The following SEL1L3 variants were observed in gnomAD, a reference collection of about 807,000 sequenced individuals.
SEL1L3 encodes the protein SEL1L family member 3, also known as protein sel-1 homolog 3.
Under a neutral mutation model 142.8 loss-of-function variants are expected in SEL1L3, and 76 were observed. The observed-to-expected ratio is 0.53, with a 90% CI of 0.44 to 0.64. The LOEUF (loss-of-function observed/expected upper bound fraction) is 0.64, where lower values mean the gene tolerates loss of function less well. Among genes scored for constraint, SEL1L3 ranks in the 30% least tolerant of loss-of-function variants. The pLI, the probability that SEL1L3 is intolerant of heterozygous loss-of-function variation, is 0.00. For missense variants in SEL1L3, 1,262 were observed against 1,381.7 expected (o/e 0.91, Z 1.37); for synonymous variants, 504 against 519.6 (o/e 0.97, Z 0.41).
At chr4:25,852,887 C>T (rs933153423) in intron 1 of SEL1L3, among the ~76,000 whole-genome samples, 1 of 152,140 alleles carries the variant, frequency 6.6e-6, no homozygotes, top group Non-Finnish European at 1.5e-5. Flanking sequence ...CAGTGAAAAC[C>T]TCTTTTAAAC....
chr4:25,757,396 A>T, intron 23 of SEL1L3, 138 bp downstream of exon 23: 1 of 677,170 alleles, frequency 1.5e-6, no homozygotes, highest in Non-Finnish European at 2.4e-6. Context: ...AGACCACCCT[A>T]GGGATAGGAG....
chr4:25,779,667 G>T (rs1473729210), intron 15 of SEL1L3, among the ~76,000 whole-genome samples: 1 of 152,180 alleles, frequency 6.6e-6, no homozygotes, highest in Non-Finnish European at 1.5e-5. Context: ...TCTTGGGAGG[G>T]TTAGCACACA....
intron 23 of SEL1L3, among the ~76,000 whole-genome samples, chr4:25,757,315 A>G (rs1475553708): frequency 6.6e-6 from 1 of 151,882 alleles, no homozygotes; most frequent in Non-Finnish European, 1.5e-5. Context: ...TTTGAAAAAT[A>G]CAATAGTAAC....
chr4:25,719,548 T>A, the SEL1L3 span: 5 of 147,170 alleles, frequency 3.4e-5, no homozygotes, highest in Admixed American at 1.3e-4. Context: ...GCTGTTAAGA[T>A]TAGAAGAGGT....
chr4:25,813,337 T>C (rs1439315898), intron 9 of SEL1L3, among the ~76,000 whole-genome samples: 1 of 152,200 alleles, frequency 6.6e-6, no homozygotes, highest in Non-Finnish European at 1.5e-5. Flanking sequence ...AAATAAAGTG[T>C]GGTATAAACA....
At chr4:25,722,731 A>ACT in the SEL1L3 span, among the ~76,000 whole-genome samples, 1 of 151,454 alleles carries the variant, frequency 6.6e-6, no homozygotes, top group East Asian at 1.9e-4. Context: ...TGCTGGGATT[A>ACT]CAGACATGAG....
intron 8 of SEL1L3, 33 bp from the exon 9 acceptor site, chr4:25,818,311 C>G: frequency 1.3e-6 from 2 of 1,563,622 alleles, no homozygotes; most frequent in Non-Finnish European, 1.7e-6. Flanking sequence ...GATATCACAC[C>G]CTTTAGCAGA....
At chr4:25,777,767 G>C (rs1451952125) in intron 16 of SEL1L3, 1 of 453,798 alleles carries the variant, frequency 2.2e-6, no homozygotes, top group African/African-American at 2.0e-5. Context: ...GTCAGTCTAA[G>C]TCAAGTTTAT....
the SEL1L3 span, among the ~76,000 whole-genome samples, chr4:25,722,912 CAG>C: frequency 6.6e-6 from 1 of 152,038 alleles, no homozygotes; most frequent in African/African-American, 2.4e-5. Context: ...TCACACAAAA[CAG>C]AGTAACATTT....
intron 23 of SEL1L3, 45 bp downstream of exon 23, chr4:25,757,489 T>G: frequency 7.3e-5 from 45 of 614,576 alleles, no homozygotes; most frequent in Non-Finnish European, 9.3e-5. Context: ...AATCCCTGCT[T>G]TTTTTTTTTT....
chr4:25,734,004 G>C, the SEL1L3 span, among the ~76,000 whole-genome samples: 5 of 151,976 alleles, frequency 3.3e-5, no homozygotes, highest in African/African-American at 1.2e-4. Flanking sequence ...TTCCTAATTT[G>C]CTGGAGTTTT....
At chr4:25,775,029 T>C (rs1719512358) in intron 17 of SEL1L3, among the ~76,000 whole-genome samples, 1 of 152,172 alleles carries the variant, frequency 6.6e-6, no homozygotes, top group East Asian at 1.9e-4. Context: ...TAGTTCATCC[T>C]AAGAAGTTTG....
chr4:25,804,789 T>A (rs1488098846), intron 9 of SEL1L3, 37 bp from the exon 10 acceptor site: 1 of 1,399,282 alleles, frequency 7.1e-7, no homozygotes. Context: ...CACAATTAAT[T>A]ACCATGGGAT....
At chr4:25,815,055 C>T (rs1714299545) in intron 9 of SEL1L3, among the ~76,000 whole-genome samples, 1 of 152,302 alleles carries the variant, frequency 6.6e-6, no homozygotes, top group South Asian at 2.1e-4. Flanking sequence ...GGTTCTCCCT[C>T]CCTGCCATCT....
chr4:25,854,951 G>T (rs1011092491), intron 1 of SEL1L3, among the ~76,000 whole-genome samples: 3 of 152,174 alleles, frequency 2.0e-5, no homozygotes, highest in Admixed American at 6.5e-5. Flanking sequence ...GTTAATGAGG[G>T]TGTGTTGGCC....
intron 11 of SEL1L3, among the ~76,000 whole-genome samples, chr4:25,800,363 T>C (rs967174190): frequency 6.6e-6 from 1 of 152,224 alleles, no homozygotes; most frequent in Non-Finnish European, 1.5e-5. Flanking sequence ...ACTGTATAAT[T>C]CCTATCTGTG....
intron 23 of SEL1L3, among the ~76,000 whole-genome samples, chr4:25,753,731 C>T (rs1717754077): frequency 6.6e-6 from 1 of 152,236 alleles, no homozygotes; most frequent in Non-Finnish European, 1.5e-5. Context: ...TGCCTGTAGT[C>T]CCAGCACTTT....
At chr4:25,830,235 T>G (rs1304728227) in intron 5 of SEL1L3, 79 bp from the exon 6 acceptor site, 1 of 889,782 alleles carries the variant, frequency 1.1e-6, no homozygotes. Context: ...TGTAAATTAC[T>G]CATGATATGT....
chr4:25,719,545 A>G, the SEL1L3 span: 1 of 147,280 alleles, frequency 6.8e-6, no homozygotes, highest in African/African-American at 2.5e-5. Context: ...CAGGCTGTTA[A>G]GATTAGAAGA....
Sources: gnomAD v4.1 joint callset for allele counts (sites outside exome capture counted in the v4.1 genomes callset) on GRCh38, gnomAD v4.1.1 for gene constraint, MANE v1.5 for transcripts, NCBI Gene and HGNC (gene_info 2026-07-23, HGNC 2026-07-21) for gene names.